The following EOLA1 variants were observed in gnomAD, a reference collection of about 807,000 sequenced individuals.
EOLA1 encodes protein EOLA1.
A neutral mutation model predicts 4.5 loss-of-function variants in EOLA1; 1 was observed. The ratio of observed to expected loss-of-function variants is 0.22; its 90% CI spans 0.08 to 1.05. The LOEUF is 1.05. EOLA1 is among the 50% of genes least tolerant of loss of function. The pLI is 0.57. For missense variants in EOLA1, 69 were observed against 127.2 expected (o/e 0.54, Z 2.20); for synonymous variants, 37 against 52.3 (o/e 0.71, Z 1.26).
upstream of EOLA1, chrX:149,540,903 T>C (rs2089716533): frequency 8.8e-6 from 1 of 113,218 alleles, no homozygotes; most frequent in East Asian, 2.8e-4. Flanking sequence ...GCTGTCTATA[T>C]GCATGGCTGA....
rs1557347896 is a variant in EOLA1, at chrX:149,546,719, G to T, written c.254-20G>T. 1 of 1,182,418 alleles carries T rather than the reference G, an allele frequency of 8.5e-7. No individual in the cohort carries two copies. Among genetic ancestry groups the T allele is most frequent in the Non-Finnish European group, 1.1e-6 (1 of 879,583 alleles). ...CTATGGAAGTGAAAGGCATTCATGT[G>T]TATCTCTCTTTGTGTACAGGACTCG... On this transcript the variant is annotated intron_variant, in intron 4 of 4. Coordinates refer to ENST00000393985, the MANE Select transcript of EOLA1 (RefSeq NM_001171907.3).
intron 1 of EOLA1, 190 bp from the exon 2 acceptor site, chrX:149,541,829 C>T (rs1191475448): frequency 1.1e-5 from 8 of 742,454 alleles, no homozygotes; most frequent in Non-Finnish European, 1.3e-5. Flanking sequence ...CAGACAGGTG[C>T]GGAGGGTCCC....
chrX:149,545,457 T>C lies in EOLA1; in HGVS notation c.-73T>C. ...CCAGCCCCTTCCCTTGGGCCTGCTG[T>C]GGTGCTGGACATCAGTGACAGACGG... On this transcript the variant is annotated 5_prime_UTR_variant, in exon 3 of 5. Transcript: ENST00000393985. 9.1e-7 allele frequency: 1 copy of C among 1,096,277 alleles called. No individual in the cohort carries two copies. Among genetic ancestry groups the C allele is most frequent in the Non-Finnish European group, 1.2e-6 (1 of 840,409 alleles). 90.3% of individuals were successfully genotyped at this position (1,096,277 alleles called of 1,213,427 possible). A position where few individuals can be genotyped will look rare whatever the true frequency, so the allele number is the denominator to read the frequency against.
chrX:149,545,466 A>T lies in EOLA1; in HGVS notation c.-64A>T, dbSNP rs1336890913. On this transcript the variant is annotated 5_prime_UTR_variant, in exon 3 of 5. Transcript: ENST00000393985. The stretch of plus-strand genomic sequence containing the variant: ...TCCCTTGGGCCTGCTGTGGTGCTGG[A>T]CATCAGTGACAGACGGAAGCAGGAG... 3 of 1,100,313 alleles carry T rather than the reference A, an allele frequency of 2.7e-6. No individual in the cohort carries two copies. Among genetic ancestry groups the T allele is most frequent in the Non-Finnish European group, 3.6e-6 (3 of 842,282 alleles). 90.7% of individuals were successfully genotyped at this position (1,100,313 alleles called of 1,213,427 possible).
At chrX:149,546,243 G>A (rs1292269835) in intron 4 of EOLA1, among the ~76,000 whole-genome samples, 3 of 97,161 alleles carry the variant, frequency 3.1e-5, no homozygotes, top group Non-Finnish European at 4.2e-5. Flanking sequence ...AGCCCAGCCC[G>A]CCGAATGGGT....
chrX:149,543,830 C>T (rs781993970), intron 2 of EOLA1, among the ~76,000 whole-genome samples: 28 of 89,846 alleles, frequency 3.1e-4, no homozygotes, highest in African/African-American at 9.6e-4. Context: ...CAGAGCAGGA[C>T]GGTGAGCAAC....
chrX:149,543,622 G>A (rs2089774556), intron 2 of EOLA1, among the ~76,000 whole-genome samples: 2 of 88,419 alleles, frequency 2.3e-5, no homozygotes, highest in South Asian at 1.1e-3. Flanking sequence ...ACAGTGCCAC[G>A]GGATGTGGGC....
chrX:149,546,220 G>A (rs1472160378), intron 4 of EOLA1, among the ~76,000 whole-genome samples: 16 of 101,395 alleles, frequency 1.6e-4, no homozygotes, highest in Non-Finnish European at 2.6e-4. Context: ...GTGTGGCAGA[G>A]ACCATGAAAA....
downstream of EOLA1, among the ~76,000 whole-genome samples, chrX:149,549,131 G>C (rs1641561334): frequency 9.0e-6 from 1 of 111,587 alleles, no homozygotes; most frequent in Admixed American, 9.4e-5. Flanking sequence ...ACCCCGTAGA[G>C]GTAATATGCA....
At chrX:149,544,633 G>C in intron 2 of EOLA1, 5 of 752,867 alleles carry the variant, frequency 6.6e-6, no homozygotes, top group Non-Finnish European at 7.8e-6. Context: ...TTCTGGTTTC[G>C]AGCCCAGGGT....
intron 2 of EOLA1, chrX:149,544,724 A>T (rs1183188972): frequency 1.3e-6 from 1 of 750,435 alleles, no homozygotes; most frequent in East Asian, 1.5e-4. Flanking sequence ...GCTGGGCAAG[A>T]GTTGTGGGAA....
chrX:149,542,151 T>C (rs2734227), intron 2 of EOLA1, 66 bp downstream of exon 2: 1 of 405,471 alleles, frequency 2.5e-6, no homozygotes, highest in Non-Finnish European at 3.1e-6. Flanking sequence ...GGATTCCACA[T>C]ACACACAGTT....
chrX:149,542,137 C>G (rs1377202871), intron 2 of EOLA1, 52 bp downstream of exon 2: 2 of 467,301 alleles, frequency 4.3e-6, no homozygotes, highest in African/African-American at 5.3e-5. Context: ...TCAGTTCCTA[C>G]TAGGGATTCC....
rs1339984974 is a variant in EOLA1, at chrX:149,541,549, T to C, written c.-230+206T>C. ...CCACCTCAGTCCGGTCTTCCCTGCC[T>C]CCCGTTGGCCCTTCTGCTGTGAGCT... On this transcript the variant is annotated intron_variant, in intron 1 of 4. Transcript: ENST00000393985. The C allele has an allele frequency of 4.4e-5, 5 of 114,263 alleles. No individual in the cohort carries two copies. In the Admixed American group the frequency reaches 4.6e-4, roughly 11 times the overall value. The allele number at this position is 114,263 out of a possible 1,213,427, so 9.4% of individuals were successfully genotyped here.
In EOLA1 at chrX:149,546,900, G is replaced by A. The variant is rs1348224662; in HGVS notation, c.415G>A (p.Gly139Ser). The A allele has an allele frequency of 2.5e-6, 3 of 1,209,217 alleles. No homozygotes were observed. Among genetic ancestry groups the A allele is most frequent in the African/African-American group, 3.5e-5 (2 of 57,246 alleles). The change falls in exon 5 of 5, where the codon GGC becomes AGC. Residue 139 changes from glycine to serine, a missense_variant. By Grantham distance (56) the Gly-to-Ser change is moderately conservative. Coordinates refer to ENST00000393985, the MANE Select transcript of EOLA1 (RefSeq NM_001171907.3). ...WLLEPIPRKG[G>S]KDVFQVDIPE... ...ACTGGAGCCCATACCTAGGAAAGGAGGCAAGGATGTATTCCAGGTAGACAT... is the reference window on the plus strand; with the variant it reads ...ACTGGAGCCCATACCTAGGAAAGGAAGCAAGGATGTATTCCAGGTAGACAT...
downstream of EOLA1, chrX:149,549,499 C>G: frequency 8.7e-7 from 1 of 1,146,338 alleles, no homozygotes; most frequent in Non-Finnish European, 1.2e-6. Flanking sequence ...GTTGAAGAAC[C>G]TCCCTCTGGA....
Position 149,546,923 on chromosome X carries a change from C to T in EOLA1, c.438C>T (p.Asp146=), listed in dbSNP as rs1472451164. The stretch of plus-strand genomic sequence containing the variant: ...GAGGCAAGGATGTATTCCAGGTAGA[C>T]ATCCCAGAGCACCTGATCCCTTTGG... ...RKGGKDVFQV[D]IPEHLIPLGH... The change falls in exon 5 of 5, where the codon GAC becomes GAT. Residue 146 remains aspartate, a synonymous_variant. Coordinates refer to ENST00000393985, the MANE Select transcript of EOLA1 (RefSeq NM_001171907.3). 8.3e-7 allele frequency: 1 copy of T among 1,205,507 alleles called. No individual in the cohort carries two copies. The highest frequency in any genetic ancestry group is 1.8e-5 in the African/African-American group (1 of 56,243).
At position 149,541,270 on chromosome X, in the gene EOLA1, G is replaced by C. The variant is rs1397039606; in HGVS notation, c.-303G>C. Reference sequence around the variant, plus strand: ...CGCAGGGTCCATGGTTCCGGAGGCCGTGAGACCTGCCGGGGCTGACAGGTG... The same window carrying C: ...CGCAGGGTCCATGGTTCCGGAGGCCCTGAGACCTGCCGGGGCTGACAGGTG... On this transcript the variant is annotated 5_prime_UTR_variant, in exon 1 of 5. Transcript: ENST00000393985. 8.8e-6 allele frequency: 1 copy of C among 113,969 alleles called. No individual in the cohort carries two copies. The highest frequency in any genetic ancestry group is 3.2e-5 in the African/African-American group (1 of 30,978). 9.4% of individuals were successfully genotyped at this position (113,969 alleles called of 1,213,427 possible).
intron 2 of EOLA1, among the ~76,000 whole-genome samples, chrX:149,543,769 C>T (rs1260101390): frequency 2.2e-5 from 2 of 89,019 alleles, no homozygotes; most frequent in East Asian, 6.1e-4. Context: ...TATGTACGGG[C>T]CTGTCCACCT....
Sources: gnomAD v4.1 joint callset for allele counts (sites outside exome capture counted in the v4.1 genomes callset) on GRCh38, gnomAD v4.1.1 for gene constraint, MANE v1.5 for transcripts, NCBI Gene and HGNC (gene_info 2026-07-23, HGNC 2026-07-21) for gene names.